Variants in MCOLN2 observed in about 807,000 individuals in gnomAD.
MCOLN2 encodes the protein mucolipin TRP cation channel 2.
Under a neutral mutation model 67.5 loss-of-function variants are expected in MCOLN2, and 57 were observed. That is an observed-to-expected ratio of 0.84 (90% CI 0.68 to 1.05). The LOEUF is 1.05. Ranked by LOEUF, MCOLN2 falls within the 50% of genes least tolerant of loss-of-function variation. The pLI, the probability that MCOLN2 is intolerant of heterozygous loss-of-function variation, is 0.00. For synonymous variants in MCOLN2, 246 were observed against 233.3 expected, an observed-to-expected ratio of 1.05 and a Z score of -0.50; for missense variants, 620 against 678.8, an observed-to-expected ratio of 0.91 and a Z score of 0.96.
intron 1 of MCOLN2, among the ~76,000 whole-genome samples, chr1:84,970,909 G>A (rs1649646691): frequency 6.6e-6 from 1 of 152,138 alleles, no homozygotes; most frequent in Non-Finnish European, 1.5e-5. Context: ...TCCTTTGACT[G>A]AGTGGCCATT....
chr1:84,956,349 A>C, intron 4 of MCOLN2, 82 bp downstream of exon 4: 2 of 1,435,740 alleles, frequency 1.4e-6, no homozygotes, highest in Non-Finnish European at 1.9e-6. Context: ...AAGTTTTTCC[A>C]TCTGGGTTGC....
At chr1:84,941,328 G>C (rs559385636) in intron 7 of MCOLN2, among the ~76,000 whole-genome samples, 50 of 152,030 alleles carry the variant, frequency 3.3e-4, no homozygotes, top group East Asian at 1.9e-3. Context: ...AACCCCGTCT[G>C]TACTAAAAAT....
At chr1:84,987,955 G>A (rs1368131458) in intron 1 of MCOLN2, among the ~76,000 whole-genome samples, 1 of 152,024 alleles carries the variant, frequency 6.6e-6, no homozygotes, top group African/African-American at 2.4e-5. Context: ...AATACAGACT[G>A]GGTACAGTGT....
chr1:84,991,846 T>C (rs548789494), intron 1 of MCOLN2, among the ~76,000 whole-genome samples: 1 of 152,218 alleles, frequency 6.6e-6, no homozygotes, highest in East Asian at 1.9e-4. Context: ...GAGGAAGAGA[T>C]AAAGAAAGGG....
At chr1:84,956,300 G>A in intron 4 of MCOLN2, 131 bp downstream of exon 4, 2 of 799,752 alleles carry the variant, frequency 2.5e-6, no homozygotes, top group South Asian at 3.4e-5. Flanking sequence ...GGCCAGTGTT[G>A]GAGTGTCAGC....
intron 1 of MCOLN2, among the ~76,000 whole-genome samples, chr1:84,982,873 T>A (rs1034575108): frequency 1.3e-5 from 2 of 152,032 alleles, no homozygotes; most frequent in African/African-American, 2.4e-5. Context: ...CGGCTAATTT[T>A]TTATTATTAT....
At chr1:84,957,559 T>C (rs1648861079) in intron 3 of MCOLN2, among the ~76,000 whole-genome samples, 1 of 152,204 alleles carries the variant, frequency 6.6e-6, no homozygotes, top group Non-Finnish European at 1.5e-5. Flanking sequence ...CCTTGCCATG[T>C]CCATCAGTCC....
intron 1 of MCOLN2, among the ~76,000 whole-genome samples, chr1:84,982,648 GGTT>G (rs1034910729): frequency 6.4e-4 from 98 of 152,240 alleles, no homozygotes; most frequent in Admixed American, 1.2e-3. Context: ...CCTTAGCTGT[GGTT>G]GTTCTTTGTT....
intron 1 of MCOLN2, among the ~76,000 whole-genome samples, chr1:84,973,187 A>G (rs1309906709): frequency 6.6e-6 from 1 of 152,222 alleles, no homozygotes; most frequent in African/African-American, 2.4e-5. Flanking sequence ...GGTCAGTAAC[A>G]TCTGATGGGA....
At chr1:84,987,568 A>ACAT (rs1557665964) in intron 1 of MCOLN2, among the ~76,000 whole-genome samples, 1 of 91,194 alleles carries the variant, frequency 1.1e-5, no homozygotes, top group Non-Finnish European at 2.2e-5. Flanking sequence ...ATGTATACAT[A>ACAT]GATGTATACA....
chr1:84,939,668 C>A lies in MCOLN2; in HGVS notation c.995G>T (p.Arg332Leu). ...CCACTGGTCGGTGTCACACACAGGC[C>A]GCTTGTACTTCTCCAGGAAGAAATT... The part of the protein sequence containing the change: ...FLNFFLEKYK[R>L]PVCDTDQWEF... Residue 332 changes from arginine (R) to leucine (L), a missense_variant, in exon 9 of 14, where the codon CGG (arginine) becomes CTG (leucine). By Grantham distance (102) the Arg-to-Leu change is moderately radical. Transcript: ENST00000370608. The A allele has an allele frequency of 1.2e-6, 2 of 1,614,008 alleles. No homozygotes were observed. The highest frequency in any genetic ancestry group is 8.5e-7 in the Non-Finnish European group (1 of 1,179,968).
chr1:84,958,135 G>A (rs1046367248), intron 3 of MCOLN2, among the ~76,000 whole-genome samples: 1 of 152,028 alleles, frequency 6.6e-6, no homozygotes, highest in East Asian at 1.9e-4. Context: ...TGCCCAGACT[G>A]GACTCAAAGG....
At chr1:84,945,555 A>T (rs940038620) in intron 7 of MCOLN2, among the ~76,000 whole-genome samples, 1 of 152,204 alleles carries the variant, frequency 6.6e-6, no homozygotes, top group African/African-American at 2.4e-5. Flanking sequence ...AACAAATATA[A>T]AACAGAAGCC....
intron 6 of MCOLN2, among the ~76,000 whole-genome samples, chr1:84,949,533 C>T (rs1648300901): frequency 6.6e-6 from 1 of 152,064 alleles, no homozygotes; most frequent in South Asian, 2.1e-4. Flanking sequence ...CCCAGCTACT[C>T]AGGAGGCTGA....
intron 1 of MCOLN2, among the ~76,000 whole-genome samples, chr1:84,971,541 CACACGAT>C (rs1236218144): frequency 2.6e-4 from 37 of 143,752 alleles, no homozygotes; most frequent in African/African-American, 9.4e-4. Flanking sequence ...CACACACACA[CACACGAT>C]ATCTTATTGC....
Position 84,926,423 on chromosome 1 carries a change from A to G in MCOLN2, c.*262T>C. 3.0e-6 allele frequency: 1 copy of G among 337,126 alleles called. No individual in the cohort carries two copies. The highest frequency in any genetic ancestry group is 5.3e-6 in the Non-Finnish European group (1 of 186,938). The allele number at this position is 337,126 out of a possible 1,614,324, so 20.9% of individuals were successfully genotyped here. The stretch of plus-strand genomic sequence containing the variant: ...CATTCCGAGATCATGTCATAAATTA[A>G]CAGACTAATAGAGAATTTTATTATC... On this transcript the variant is annotated 3_prime_UTR_variant, in exon 14 of 14. Coordinates refer to ENST00000370608, the MANE Select transcript of MCOLN2 (RefSeq NM_153259.4).
At chr1:84,971,835 G>A (rs895282356) in intron 1 of MCOLN2, 1 of 152,178 alleles carries the variant, frequency 6.6e-6, no homozygotes, top group Non-Finnish European at 1.5e-5. Context: ...GCCAGGGCAG[G>A]CAGATCACTT....
At chr1:84,929,929 T>C in intron 12 of MCOLN2, 1 of 257,820 alleles carries the variant, frequency 3.9e-6, no homozygotes, top group South Asian at 8.3e-5. Flanking sequence ...GGAGAGGTTT[T>C]TTTTAAAAAA....
chr1:84,990,297 CAAAAAAAAAAAAAAA>C (rs34226507), intron 1 of MCOLN2, among the ~76,000 whole-genome samples: 2 of 34,958 alleles, frequency 5.7e-5, no homozygotes, highest in African/African-American at 1.1e-4. Flanking sequence ...GACTCCATCT[CAAAAAAAAAAAAAAA>C]AAAAAAAAAA....
Sources: gnomAD v4.1 joint callset for allele counts (sites outside exome capture counted in the v4.1 genomes callset) on GRCh38, gnomAD v4.1.1 for gene constraint, MANE v1.5 for transcripts, NCBI Gene and HGNC (gene_info 2026-07-23, HGNC 2026-07-21) for gene names.